Variants in TGFBRAP1 observed in about 807,000 individuals in gnomAD.
The protein encoded by TGFBRAP1 is transforming growth factor beta receptor associated protein 1.
A neutral mutation model predicts 83.2 loss-of-function variants in TGFBRAP1; 20 were observed. The ratio of observed to expected loss-of-function variants is 0.24; its 90% confidence interval spans 0.17 to 0.35. TGFBRAP1 has a LOEUF of 0.35. Ranked by LOEUF, TGFBRAP1 falls within the 10% of genes least tolerant of loss-of-function variation. TGFBRAP1 has a pLI of 1.00. For synonymous variants in TGFBRAP1, 415 were observed against 459.8 expected (o/e 0.90, Z 1.25); for missense variants, 950 against 1,099.4 (o/e 0.86, Z 1.92).
At chr2:105,324,742 A>C (rs970532546) in intron 1 of TGFBRAP1, among the ~76,000 whole-genome samples, 1 of 152,128 alleles carries the variant, frequency 6.6e-6, no homozygotes, top group Non-Finnish European at 1.5e-5. Flanking sequence ...TCAGAATTGG[A>C]TATACCATGA....
intron 5 of TGFBRAP1, among the ~76,000 whole-genome samples, chr2:105,283,503 T>G (rs1033826660): frequency 1.3e-5 from 2 of 152,210 alleles, no homozygotes; most frequent in African/African-American, 4.8e-5. Flanking sequence ...AGCTGTAAAC[T>G]GTGCACAATC....
chr2:105,269,561 C>T lies in TGFBRAP1; in HGVS notation c.2117G>A (p.Gly706Asp). The change falls in exon 11 of 12, where the codon GGC becomes GAC. Residue 706 changes from glycine to aspartate, a missense_variant. Transcript: ENST00000393359. The surrounding 1 kb of genome is among the most constrained non-coding windows in gnomAD (Gnocchi z 4.1). ...AEDYCLWCSE[G>D]RDPPHRQQLF... ...TTGCTGGCGGTGGGGTGGGTCTCGG[C>T]CCTCGGAGCACCACAGGCAGTAGTC... The T allele has an allele frequency of 6.2e-7, 1 of 1,611,510 alleles. No homozygotes were observed. The highest frequency in any genetic ancestry group is 8.5e-7 in the Non-Finnish European group (1 of 1,178,768).
chr2:105,287,789 T>C (rs1320401314), intron 4 of TGFBRAP1, among the ~76,000 whole-genome samples: 1 of 152,120 alleles, frequency 6.6e-6, no homozygotes, highest in Non-Finnish European at 1.5e-5. Context: ...TCCAGGTCTA[T>C]CTGCTTGATT....
chr2:105,316,499 A>C (rs1678881374), intron 1 of TGFBRAP1, among the ~76,000 whole-genome samples: 2 of 149,274 alleles, frequency 1.3e-5, no homozygotes, highest in Admixed American at 6.7e-5. Flanking sequence ...ATAACTCAAA[A>C]AGCAGATTCT....
intron 4 of TGFBRAP1, among the ~76,000 whole-genome samples, chr2:105,294,954 AGAG>A (rs1411982081): frequency 6.6e-6 from 1 of 151,808 alleles, no homozygotes. Context: ...AGCTTGCAGG[AGAG>A]GAGAAGGGGC....
In TGFBRAP1 at chr2:105,269,259, G is replaced by A. The variant is rs760768177; in HGVS notation, c.2406+13C>T. ...GACTGACCAGGAAGCAGCTCGTGGG[G>A]GCCAGCACTTACCTTATCGTAGGTG... On this transcript the variant is annotated intron_variant, in intron 11 of 11. Coordinates refer to ENST00000393359, the MANE Select transcript of TGFBRAP1 (RefSeq NM_004257.6). This position sits in a 1 kb window ranked among gnomAD's most constrained non-coding sequence, Gnocchi z 4.1. 2.5e-6 allele frequency: 4 copies of A among 1,578,600 alleles called. No individual in the cohort carries two copies. The highest frequency in any genetic ancestry group is 2.7e-5 in the African/African-American group (2 of 74,348).
chr2:105,324,255 C>A (rs1402143340), intron 1 of TGFBRAP1: 1 of 152,156 alleles, frequency 6.6e-6, no homozygotes. Flanking sequence ...AAAGTGTATT[C>A]ATGAATTCTG....
chr2:105,286,949 C>T (rs1008556144), intron 4 of TGFBRAP1, among the ~76,000 whole-genome samples: 1 of 152,214 alleles, frequency 6.6e-6, no homozygotes, highest in African/African-American at 2.4e-5. Context: ...GGCAGCTTCT[C>T]TCATGGCTCT....
chr2:105,325,133 A>T (rs1679187101), intron 1 of TGFBRAP1: 1 of 152,304 alleles, frequency 6.6e-6, no homozygotes, highest in South Asian at 2.1e-4. Context: ...GTAAGTAGAG[A>T]GCTGGGATTC....
In TGFBRAP1 at chr2:105,267,068, T is replaced by TC. The variant is rs1676964291; in HGVS notation, c.*314dup. The TC allele has an allele frequency of 7.4e-6, 2 of 272,072 alleles. No homozygotes were observed. The highest frequency in any genetic ancestry group is 1.3e-4 in the East Asian group (2 of 15,606). 16.9% of individuals were successfully genotyped at this position (272,072 alleles called of 1,614,324 possible). Reference sequence around the variant, plus strand: ...TGGGTCTGGACTGCATGAGGAAGACTCCCTTTTTTTTTTTTTCAAAGTAGA... The same window carrying TC: ...TGGGTCTGGACTGCATGAGGAAGACTCCCCTTTTTTTTTTTTTCAAAGTAGA... On this transcript the variant is annotated 3_prime_UTR_variant, in exon 12 of 12. Coordinates refer to ENST00000393359, the MANE Select transcript of TGFBRAP1 (RefSeq NM_004257.6).
chr2:105,298,465 A>T, intron 3 of TGFBRAP1, 46 bp downstream of exon 3: 1 of 1,523,662 alleles, frequency 6.6e-7, no homozygotes. Context: ...GAAATATCAT[A>T]AAAGAGTTAA....
At chr2:105,259,948 T>C (rs1558805309), downstream of TGFBRAP1, among the ~76,000 whole-genome samples, 2 of 152,230 alleles carry the variant, frequency 1.3e-5, no homozygotes, top group Non-Finnish European at 1.5e-5. Context: ...AGCAGACGAC[T>C]GTTAGATGGG....
Position 105,275,590 on chromosome 2 carries a change from A to G in TGFBRAP1, c.1635T>C (p.Tyr545=), listed in dbSNP as rs1311462736. The G allele has an allele frequency of 5.6e-6, 9 of 1,614,080 alleles. No individual in the cohort carries two copies. The highest frequency in any genetic ancestry group is 3.4e-6 in the Non-Finnish European group (4 of 1,180,046). Residue 545 remains tyrosine, a synonymous_variant, in exon 8 of 12, where the codon TAT becomes TAC. Coordinates refer to ENST00000393359, the MANE Select transcript of TGFBRAP1 (RefSeq NM_004257.6). ...YCLDEELVWA[Y]ADWVLQKSEE... Reference sequence around the variant, plus strand: ...CACTTTTCTGCAGGACCCAATCAGCATAGGCCCACACTAGTTCCTCGTCTA... The same window carrying G: ...CACTTTTCTGCAGGACCCAATCAGCGTAGGCCCACACTAGTTCCTCGTCTA...
chr2:105,253,786 C>T, the TGFBRAP1 span, among the ~76,000 whole-genome samples: 57 of 152,108 alleles, frequency 3.7e-4, no homozygotes, highest in Non-Finnish European at 7.2e-4. Context: ...ATAAAAGTAA[C>T]GTGCTCCTTG....
chr2:105,268,928 T>C (rs1254768008), intron 11 of TGFBRAP1, among the ~76,000 whole-genome samples: 1 of 152,240 alleles, frequency 6.6e-6, no homozygotes, highest in East Asian at 1.9e-4. Context: ...ACTGTCATGA[T>C]GACAAAATGC....
intron 1 of TGFBRAP1, among the ~76,000 whole-genome samples, chr2:105,314,399 T>C (rs1020095874): frequency 2.0e-5 from 3 of 151,520 alleles, no homozygotes; most frequent in African/African-American, 7.3e-5. Flanking sequence ...TACAGGCGCC[T>C]GCCACCACGC....
At position 105,266,636 on chromosome 2, in the gene TGFBRAP1, C is replaced by T. The variant is rs1196550342; in HGVS notation, c.*747G>A. On this transcript the variant is annotated 3_prime_UTR_variant, in exon 12 of 12. Transcript: ENST00000393359. ...GGCTTCTTCAAGGAGGGGAGAGCAGCTTCTCTCTTGGAGCGTTCTCAGTTT... is the reference window on the plus strand; with the variant it reads ...GGCTTCTTCAAGGAGGGGAGAGCAGTTTCTCTCTTGGAGCGTTCTCAGTTT... The T allele has an allele frequency of 1.3e-5, 2 of 152,260 alleles. No homozygotes were observed. The highest frequency in any genetic ancestry group is 2.4e-5 in the African/African-American group (1 of 41,468). The allele number at this position is 152,260 out of a possible 1,614,324, so 9.4% of individuals were successfully genotyped here. A position where few individuals can be genotyped will look rare whatever the true frequency, so the allele number is the denominator to read the frequency against.
chr2:105,290,615 CAGTGTGTGTGTGTGTGTG>C (rs1398594199), intron 4 of TGFBRAP1, among the ~76,000 whole-genome samples: 1 of 103,784 alleles, frequency 9.6e-6, no homozygotes, highest in South Asian at 3.2e-4. Context: ...AACAGAGAGA[CAGTGTGTGTGTGTGTGTG>C]TGTGTGTGTG....
chr2:105,277,777 C>T (rs1305440961), intron 6 of TGFBRAP1, 106 bp from the exon 7 acceptor site: 6 of 1,095,784 alleles, frequency 5.5e-6, no homozygotes, highest in African/African-American at 4.6e-5. Context: ...CTATTCAACT[C>T]GAGTTCAGGC....
Sources: gnomAD v4.1 joint callset for allele counts (sites outside exome capture counted in the v4.1 genomes callset) on GRCh38, gnomAD v4.1.1 for gene constraint, Gnocchi (gnomAD v3.1) non-coding constraint, MANE v1.5 for transcripts, NCBI Gene and HGNC (gene_info 2026-07-23, HGNC 2026-07-21) for gene names.